The following HOMER1 variants were observed in gnomAD, a reference collection of about 807,000 sequenced individuals.
HOMER1 encodes homer protein homolog 1.
In HOMER1, 3 loss-of-function variants were observed where a neutral mutation model predicts 48.9. That is an observed-to-expected ratio of 0.06 (90% confidence interval 0.03 to 0.16). The LOEUF (loss-of-function observed/expected upper bound fraction) is 0.16. HOMER1 is among the 10% of genes least tolerant of loss of function. HOMER1 has a pLI of 1.00. For synonymous variants in HOMER1, 134 were observed against 146.4 expected (o/e 0.92, Z 0.61); for missense variants, 247 against 411.4 (o/e 0.60, Z 3.46).
chr5:79,396,328 A>G (rs897022217), intron 8 of HOMER1, among the ~76,000 whole-genome samples: 3 of 151,970 alleles, frequency 2.0e-5, no homozygotes, highest in Non-Finnish European at 4.4e-5. Context: ...ATGTTCCCAA[A>G]TTGAATGAAA....
At chr5:79,444,636 T>C (rs1327071951) in intron 4 of HOMER1, among the ~76,000 whole-genome samples, 1 of 152,172 alleles carries the variant, frequency 6.6e-6, no homozygotes, top group East Asian at 1.9e-4. Flanking sequence ...TCATGACCAA[T>C]TCAACTAAAA....
chr5:79,436,447 A>G (rs916893927), intron 5 of HOMER1, among the ~76,000 whole-genome samples: 2 of 152,206 alleles, frequency 1.3e-5, no homozygotes, highest in African/African-American at 2.4e-5. Context: ...CACAGTTGTT[A>G]CTAATGAACT....
At chr5:79,388,657 T>C (rs1219665889) in intron 8 of HOMER1, among the ~76,000 whole-genome samples, 1 of 152,066 alleles carries the variant, frequency 6.6e-6, no homozygotes, top group African/African-American at 2.4e-5. Flanking sequence ...AAAGGTTGAT[T>C]GAACTCATGA....
intron 1 of HOMER1, among the ~76,000 whole-genome samples, chr5:79,475,428 C>CTTTTT (rs370912747): frequency 7.9e-6 from 1 of 127,104 alleles, no homozygotes; most frequent in Non-Finnish European, 1.6e-5. Context: ...AATTCTTAGA[C>CTTTTT]TTTTTTTTTT....
At chr5:79,436,256 A>T (rs988116674) in intron 5 of HOMER1, among the ~76,000 whole-genome samples, 1 of 152,260 alleles carries the variant, frequency 6.6e-6, no homozygotes, top group East Asian at 1.9e-4. Flanking sequence ...TTTAGATTTC[A>T]ATAAAATTTA....
chr5:79,390,343 C>T (rs909588036), intron 8 of HOMER1, among the ~76,000 whole-genome samples: 1 of 151,872 alleles, frequency 6.6e-6, no homozygotes, highest in Non-Finnish European at 1.5e-5. Flanking sequence ...AGACAGTATA[C>T]GTTTAAATAC....
chr5:79,376,163 T>G lies in HOMER1; in HGVS notation c.911A>C (p.Gln304Pro). 6.2e-7 allele frequency: 1 copy of G among 1,613,684 alleles called. No homozygotes were observed. The highest frequency in any genetic ancestry group is 1.1e-5 in the South Asian group (1 of 90,978). ...VEIRNKDLEG[Q>P]LSDLEQRLEK... ...CAGACGTTGCTCTAAGTCAGACAGT[T>G]GTCCCTCCAGGTCTTTGTTCCGAAT... The change falls in exon 9 of 9, where the codon CAA becomes CCA. Residue 304 changes from glutamine to proline, a missense_variant. Gln to Pro is a moderately conservative substitution (Grantham distance 76, BLOSUM62 -1). Transcript: ENST00000334082.
Position 79,484,011 on chromosome 5 carries a change from AC to A in HOMER1, c.6-26994del, listed in dbSNP as rs529730637. ...CAATGAGCCAAGATCATGCCACTGC[AC>A]TCCAGCCTGGGCAACAGAGCAAGAC... On this transcript the variant is annotated intron_variant, in intron 1 of 8. Coordinates refer to ENST00000334082, the MANE Select transcript of HOMER1 (RefSeq NM_004272.5). 9.2e-5 allele frequency among the ~76,000 whole-genome samples: 13 copies of A among 141,834 alleles called. No individual in the cohort carries two copies. The South Asian group carries it at 2.9e-3, about 31-fold the overall frequency. 93.0% of individuals were successfully genotyped at this position (141,834 alleles called of 152,430 possible). A position where few individuals can be genotyped will look rare whatever the true frequency, so the allele number is the denominator to read the frequency against.
intron 7 of HOMER1, 117 bp downstream of exon 7, chr5:79,397,410 A>G (rs2112214423): frequency 1.4e-6 from 1 of 691,740 alleles, no homozygotes; most frequent in Non-Finnish European, 2.5e-6. Context: ...ATTTCATCCT[A>G]AAAAAGAGGT....
chr5:79,399,495 G>T, intron 6 of HOMER1, among the ~76,000 whole-genome samples: 1 of 152,176 alleles, frequency 6.6e-6, no homozygotes, highest in Admixed American at 6.5e-5. Context: ...CTCAAGCTTT[G>T]CAGTGAAACT....
intron 8 of HOMER1, among the ~76,000 whole-genome samples, chr5:79,380,211 T>C (rs1170183966): frequency 1.3e-5 from 2 of 152,296 alleles, no homozygotes; most frequent in African/African-American, 2.4e-5. Flanking sequence ...GGAAAATCTC[T>C]TGGCTCTCAC....
At chr5:79,380,648 C>G (rs1000074143) in intron 8 of HOMER1, among the ~76,000 whole-genome samples, 1 of 152,192 alleles carries the variant, frequency 6.6e-6, no homozygotes, top group Admixed American at 6.5e-5. Context: ...CCTGCACATA[C>G]CATCAGGGGG....
intron 3 of HOMER1, among the ~76,000 whole-genome samples, chr5:79,450,595 T>C (rs1751002596): frequency 6.6e-6 from 1 of 152,206 alleles, no homozygotes; most frequent in Admixed American, 6.5e-5. Flanking sequence ...TGCTGTCACA[T>C]CAAAATGCTG....
chr5:79,509,430 C>T (rs756179091), intron 1 of HOMER1, among the ~76,000 whole-genome samples: 1 of 151,002 alleles, frequency 6.6e-6, no homozygotes, highest in African/African-American at 2.4e-5. Context: ...ATTTCTGTTG[C>T]CTACTGTGAT....
intron 8 of HOMER1, among the ~76,000 whole-genome samples, chr5:79,385,830 A>G (rs35987426): frequency 0.27 from 35,378 of 131,556 alleles, 7,005 homozygotes; most frequent in African/African-American, 0.54. Context: ...GTGACAGAGC[A>G]AGACTCTGTC....
At chr5:79,466,958 A>G (rs944328041) in intron 1 of HOMER1, among the ~76,000 whole-genome samples, 5 of 151,928 alleles carry the variant, frequency 3.3e-5, no homozygotes, top group Admixed American at 2.6e-4. Flanking sequence ...CACTTGGCTA[A>G]TTTTTGTATT....
chr5:79,446,854 A>G (rs915885458), intron 4 of HOMER1, among the ~76,000 whole-genome samples, 199 bp downstream of exon 4: 2 of 114,240 alleles, frequency 1.8e-5, no homozygotes, highest in African/African-American at 7.0e-5. Flanking sequence ...AGGTCTCCCT[A>G]TGTTGCTCAG....
At chr5:79,418,831 G>A (rs796614362) in intron 5 of HOMER1, among the ~76,000 whole-genome samples, 15 of 152,216 alleles carry the variant, frequency 9.9e-5, no homozygotes, top group African/African-American at 3.6e-4. Context: ...TTACCTTAGG[G>A]GTAATTTACA....
intron 8 of HOMER1, among the ~76,000 whole-genome samples, chr5:79,388,322 T>A (rs1286172342): frequency 6.6e-6 from 1 of 152,152 alleles, no homozygotes; most frequent in Non-Finnish European, 1.5e-5. Context: ...GGACATACAA[T>A]CTTTCTTCTG....
Sources: gnomAD v4.1 joint callset for allele counts (sites outside exome capture counted in the v4.1 genomes callset) on GRCh38, gnomAD v4.1.1 for gene constraint, MANE v1.5 for transcripts, NCBI Gene and HGNC (gene_info 2026-07-23, HGNC 2026-07-21) for gene names.